SPSB1: variants seen among roughly 807,000 people sequenced by gnomAD.
The protein encoded by SPSB1 is SPRY domain-containing SOCS box protein 1.
SPSB1 carries 8 observed loss-of-function variants against 21.2 expected under a neutral mutation model. The ratio of observed to expected loss-of-function variants is 0.38; its 90% confidence interval spans 0.22 to 0.68. SPSB1 has a LOEUF of 0.68. SPSB1 is among the 30% of genes least tolerant of loss of function. The probability of loss-of-function intolerance (pLI) is 0.53; values close to 1 mark genes in which losing one functional copy is unlikely to be tolerated. For synonymous variants in SPSB1, 169 were observed against 161.7 expected, an observed-to-expected ratio of 1.05 and a Z score of -0.34; for missense variants, 242 against 377.8, an observed-to-expected ratio of 0.64 and a Z score of 2.98.
intron 2 of SPSB1, among the ~76,000 whole-genome samples, chr1:9,364,902 A>C (rs1640541820): frequency 6.6e-6 from 1 of 151,936 alleles, no homozygotes; most frequent in African/African-American, 2.4e-5. Flanking sequence ...CCCAGGCTGG[A>C]GTGCGATGGT....
At chr1:9,364,119 C>CTTGGAGCTTT (rs1553129233) in intron 2 of SPSB1, among the ~76,000 whole-genome samples, 1 of 152,268 alleles carries the variant, frequency 6.6e-6, no homozygotes, top group African/African-American at 2.4e-5. Context: ...TTCAGTGGCT[C>CTTGGAGCTTT]TTGGAGCTTT....
intron 1 of SPSB1, among the ~76,000 whole-genome samples, chr1:9,316,647 C>T (rs1639620353): frequency 6.6e-6 from 1 of 152,210 alleles, no homozygotes; most frequent in South Asian, 2.1e-4. Flanking sequence ...TTCCCGCCAT[C>T]TTGGGGCACA....
chr1:9,327,031 G>T (rs560203826), intron 1 of SPSB1, among the ~76,000 whole-genome samples: 7 of 152,264 alleles, frequency 4.6e-5, no homozygotes, highest in South Asian at 4.1e-4. Flanking sequence ...TCTTGGCTTA[G>T]GGGCAGGTGC....
intron 1 of SPSB1, among the ~76,000 whole-genome samples, chr1:9,325,831 G>A (rs1569601015): frequency 1.3e-5 from 2 of 152,308 alleles, no homozygotes; most frequent in South Asian, 4.1e-4. Context: ...AGCACTGAGG[G>A]AAGTCGGGGA....
At position 9,305,633 on chromosome 1, in the gene SPSB1, T is replaced by A. The variant is rs1639398953; in HGVS notation, c.-150+12562T>A. Among the ~76,000 whole-genome samples, 1 of 152,172 alleles carries A rather than the reference T, an allele frequency of 6.6e-6. No individual in the cohort carries two copies. The highest frequency in any genetic ancestry group is 2.4e-5 in the African/African-American group (1 of 41,448). On this transcript the variant is annotated intron_variant, in intron 1 of 2. Transcript: ENST00000328089. The surrounding 1 kb of genome is among the most constrained non-coding windows in gnomAD (Gnocchi z 4.8). Reference sequence around the variant, plus strand: ...GTCACGGAACTAAACTGCCAGGTGTTCCGTTCTCAGACCAGACTTCCTTCC... The same window carrying A: ...GTCACGGAACTAAACTGCCAGGTGTACCGTTCTCAGACCAGACTTCCTTCC...
chr1:9,331,331 T>G (rs1024347389), intron 1 of SPSB1, among the ~76,000 whole-genome samples: 4 of 141,168 alleles, frequency 2.8e-5, no homozygotes, highest in Admixed American at 7.2e-5. Flanking sequence ...GTTTTTTTTT[T>G]TTTTTTTTTT....
intron 1 of SPSB1, among the ~76,000 whole-genome samples, chr1:9,327,047 G>A (rs967137272): frequency 6.6e-6 from 1 of 152,148 alleles, no homozygotes; most frequent in Non-Finnish European, 1.5e-5. Flanking sequence ...GGTGCTCAGG[G>A]CAGGGCACTG....
At chr1:9,342,871 T>C (rs2100503084) in intron 1 of SPSB1, among the ~76,000 whole-genome samples, 1 of 152,350 alleles carries the variant, frequency 6.6e-6, no homozygotes, top group East Asian at 1.9e-4. Flanking sequence ...CGAAGGCTCT[T>C]CACTCCCCAC....
At chr1:9,295,248 G>C (rs568567938) in intron 1 of SPSB1, among the ~76,000 whole-genome samples, 1 of 151,260 alleles carries the variant, frequency 6.6e-6, no homozygotes, top group Non-Finnish European at 1.5e-5. Flanking sequence ...GTGTGCGCGC[G>C]TGCGGTTGGG....
At chr1:9,304,812 A>AT (rs1639386475) in intron 1 of SPSB1, among the ~76,000 whole-genome samples, 1 of 152,108 alleles carries the variant, frequency 6.6e-6, no homozygotes, top group Non-Finnish European at 1.5e-5. Context: ...AGCTGGGACT[A>AT]TCGGTGCACA....
chr1:9,335,577 GGT>G (rs1442700221), intron 1 of SPSB1, among the ~76,000 whole-genome samples: 1 of 152,100 alleles, frequency 6.6e-6, no homozygotes, highest in Non-Finnish European at 1.5e-5. Flanking sequence ...GGGATTCCAA[GGT>G]GGGAGGGTTA....
intron 1 of SPSB1, among the ~76,000 whole-genome samples, chr1:9,349,280 C>G (rs919055398): frequency 6.6e-6 from 1 of 152,220 alleles, no homozygotes; most frequent in East Asian, 1.9e-4. Context: ...TTCCCCGAGC[C>G]CAGCCCTCCC....
chr1:9,327,779 C>A, intron 1 of SPSB1, among the ~76,000 whole-genome samples: 1 of 152,238 alleles, frequency 6.6e-6, no homozygotes, highest in East Asian at 1.9e-4. Context: ...AACTACTCGA[C>A]TCTGTAGCGT....
intron 1 of SPSB1, among the ~76,000 whole-genome samples, chr1:9,338,812 G>A (rs1237881699): frequency 4.6e-5 from 7 of 152,322 alleles, no homozygotes; most frequent in African/African-American, 1.7e-4. Flanking sequence ...GCTTCCTGGG[G>A]GCGCTCCCGC....
chr1:9,293,426 T>C lies in SPSB1; in HGVS notation c.-150+355T>C, dbSNP rs1426692369. Among the ~76,000 whole-genome samples, 1 of 150,886 alleles carries C rather than the reference T, an allele frequency of 6.6e-6. No homozygotes were observed. The highest frequency in any genetic ancestry group is 2.0e-4 in the East Asian group (1 of 5,080). On this transcript the variant is annotated intron_variant, in intron 1 of 2. Transcript: ENST00000328089. The surrounding 1 kb of genome is among the most constrained non-coding windows in gnomAD (Gnocchi z 5.1). ...CGGTCCCGAGGAGGGGCTGGGGCGC[T>C]CCGGGGCCGCCGACCCGTCCCCCCT...
At chr1:9,339,486 G>A (rs978843972) in intron 1 of SPSB1, among the ~76,000 whole-genome samples, 11 of 152,206 alleles carry the variant, frequency 7.2e-5, no homozygotes, top group African/African-American at 2.7e-4. Context: ...AGGCTCCGTG[G>A]AGGAGGGGCC....
At chr1:9,362,754 C>T (rs1343580238) in intron 2 of SPSB1, among the ~76,000 whole-genome samples, 1 of 152,224 alleles carries the variant, frequency 6.6e-6, no homozygotes, top group Non-Finnish European at 1.5e-5. Flanking sequence ...ACCAGGTAGC[C>T]GTTTCTCACA....
At chr1:9,353,940 G>C (rs145563178) in intron 1 of SPSB1, among the ~76,000 whole-genome samples, 242 of 150,394 alleles carry the variant, frequency 1.6e-3, no homozygotes, top group African/African-American at 5.4e-3. Flanking sequence ...AAGGAACCCT[G>C]TGTCTCACAT....
At position 9,363,887 on chromosome 1, in the gene SPSB1, G is replaced by A. The variant is rs1640516148; in HGVS notation, c.695-3561G>A. 6.6e-6 allele frequency among the ~76,000 whole-genome samples: 1 copy of A among 152,150 alleles called. No homozygotes were observed. The highest frequency in any genetic ancestry group is 6.5e-5 in the Admixed American group (1 of 15,280). On this transcript the variant is annotated intron_variant, in intron 2 of 2. Coordinates refer to ENST00000328089, the MANE Select transcript of SPSB1 (RefSeq NM_025106.4). This position sits in a 1 kb window ranked among gnomAD's most constrained non-coding sequence, Gnocchi z 4.5. ...AGCTAATTTTTGTATTTTTAATAGAGATGAGGTTTTGCCACACTGGCCAGG... is the reference window on the plus strand; with the variant it reads ...AGCTAATTTTTGTATTTTTAATAGAAATGAGGTTTTGCCACACTGGCCAGG...
Sources: gnomAD v4.1 joint callset for allele counts (sites outside exome capture counted in the v4.1 genomes callset) on GRCh38, gnomAD v4.1.1 for gene constraint, Gnocchi (gnomAD v3.1) non-coding constraint, MANE v1.5 for transcripts, NCBI Gene and HGNC (gene_info 2026-07-23, HGNC 2026-07-21) for gene names.